DTYMK: variants seen among roughly 807,000 people sequenced by gnomAD.
DTYMK encodes deoxythymidylate kinase, also known as thymidylate kinase.
A neutral mutation model predicts 20.3 loss-of-function variants in DTYMK; 20 were observed. The ratio of observed to expected loss-of-function variants is 0.99; its 90% CI spans 0.69 to 1.43. The LOEUF (loss-of-function observed/expected upper bound fraction) is 1.43, where lower values mean the gene tolerates loss of function less well. Among genes scored for constraint, DTYMK ranks in the 40% most tolerant of loss-of-function variants. DTYMK has a pLI of 0.00. For missense variants in DTYMK, 320 were observed against 291.1 expected (o/e 1.10, Z -0.72); for synonymous variants, 148 against 124.4 (o/e 1.19, Z -1.27).
At chr2:241,676,429 T>C (rs1484344720) in intron 4 of DTYMK, among the ~76,000 whole-genome samples, 192 bp from the exon 5 acceptor site, 1 of 152,096 alleles carries the variant, frequency 6.6e-6, no homozygotes, top group Non-Finnish European at 1.5e-5. Context: ...ACCACTCTAC[T>C]CCAGCCTGGG....
rs1219757775 is a variant in DTYMK, at chr2:241,686,647, C to T, written c.130+7G>A. On this transcript the variant is annotated splice_region_variant and intron_variant, in intron 1 of 4. Transcript: ENST00000305784. Reference sequence around the variant, plus strand: ...GCCGCGGCGCACCCCCCGCCGCGCGCACCCACCCGGGAACCGGAGCAGTTC... The same window carrying T: ...GCCGCGGCGCACCCCCCGCCGCGCGTACCCACCCGGGAACCGGAGCAGTTC... The T allele has an allele frequency of 6.6e-7, 1 of 1,507,118 alleles. No homozygotes were observed. The highest frequency in any genetic ancestry group is 8.8e-7 in the Non-Finnish European group (1 of 1,140,414). 93.4% of individuals were successfully genotyped at this position (1,507,118 alleles called of 1,614,324 possible). A position where few individuals can be genotyped will look rare whatever the true frequency, so the allele number is the denominator to read the frequency against.
chr2:241,686,306 CT>C (rs1430889024), intron 1 of DTYMK, among the ~76,000 whole-genome samples: 1 of 152,234 alleles, frequency 6.6e-6, no homozygotes, highest in Non-Finnish European at 1.5e-5. Context: ...CTGGAGGAGA[CT>C]TTTGGGGGAG....
intron 4 of DTYMK, 76 bp downstream of exon 4, chr2:241,678,376 C>G (rs934126007): frequency 6.3e-7 from 1 of 1,588,108 alleles, no homozygotes; most frequent in Non-Finnish European, 8.6e-7. Context: ...TTTGCTGACA[C>G]AACTGTGCCA....
Position 241,677,461 on chromosome 2 carries a change from G to A in DTYMK, c.528+991C>T, listed in dbSNP as rs561305621. On this transcript the variant is annotated intron_variant, in intron 4 of 4. Coordinates refer to ENST00000305784, the MANE Select transcript of DTYMK (RefSeq NM_012145.4). ...GCATCATCTGCAGGCACAGCCAGTCGGGCTGGGGCGAGACCCTCGGCCCTG... is the reference window on the plus strand; with the variant it reads ...GCATCATCTGCAGGCACAGCCAGTCAGGCTGGGGCGAGACCCTCGGCCCTG... 2.6e-5 allele frequency among the ~76,000 whole-genome samples: 4 copies of A among 152,390 alleles called. No homozygotes were observed. In the South Asian group the frequency reaches 6.2e-4, roughly 24 times the overall value.
At chr2:241,685,963 G>A in intron 1 of DTYMK, 86 bp from the exon 2 acceptor site, 1 of 1,349,734 alleles carries the variant, frequency 7.4e-7, no homozygotes, top group South Asian at 1.2e-5. Context: ...AATTTCTCCC[G>A]GACTCAAGTC....
chr2:241,683,884 C>T (rs2069319235), intron 2 of DTYMK, among the ~76,000 whole-genome samples: 1 of 152,058 alleles, frequency 6.6e-6, no homozygotes, highest in Non-Finnish European at 1.5e-5. Context: ...ATGGTGAAAC[C>T]CTGTCTCTAC....
intron 2 of DTYMK, among the ~76,000 whole-genome samples, chr2:241,680,756 T>TA (rs1216150708): frequency 6.6e-6 from 1 of 152,176 alleles, no homozygotes; most frequent in Non-Finnish European, 1.5e-5. Context: ...TTTGTAACCT[T>TA]ACTTTTAATC....
At chr2:241,680,456 C>T in intron 2 of DTYMK, 137 bp from the exon 3 acceptor site, 1 of 808,568 alleles carries the variant, frequency 1.2e-6, no homozygotes, top group Non-Finnish European at 2.0e-6. Flanking sequence ...GCGGGCGGAT[C>T]ACAAGGTCAG....
At position 241,686,651 on chromosome 2, in the gene DTYMK, C is replaced by A; in HGVS notation, c.130+3G>T. ...CGGCGCACCCCCCGCCGCGCGCACC[C>A]ACCCGGGAACCGGAGCAGTTCGGCG... On this transcript the variant is annotated splice_donor_region_variant and intron_variant, in intron 1 of 4. Transcript: ENST00000305784. The A allele has an allele frequency of 6.6e-7, 1 of 1,510,062 alleles. No homozygotes were observed. Among genetic ancestry groups the A allele is most frequent in the South Asian group, 1.2e-5 (1 of 81,254 alleles). The allele number at this position is 1,510,062 out of a possible 1,614,324, so 93.5% of individuals were successfully genotyped here. A position where few individuals can be genotyped will look rare whatever the true frequency, so the allele number is the denominator to read the frequency against.
At chr2:241,686,071 A>G in intron 1 of DTYMK, among the ~76,000 whole-genome samples, 194 bp from the exon 2 acceptor site, 1 of 152,246 alleles carries the variant, frequency 6.6e-6, no homozygotes, top group East Asian at 1.9e-4. Context: ...TCTGCAAACA[A>G]GCTGGGATGA....
chr2:241,679,021 C>T (rs2069181708), intron 3 of DTYMK, among the ~76,000 whole-genome samples: 1 of 152,200 alleles, frequency 6.6e-6, no homozygotes, highest in Non-Finnish European at 1.5e-5. Flanking sequence ...CACAGAGCAG[C>T]TGGGTCCGGA....
intron 4 of DTYMK, among the ~76,000 whole-genome samples, chr2:241,677,619 A>C (rs2069146798): frequency 6.6e-6 from 1 of 152,192 alleles, no homozygotes; most frequent in African/African-American, 2.4e-5. Flanking sequence ...GGCACGGGCG[A>C]CTGGAGTCTG....
chr2:241,680,504 G>A (rs2069232885), intron 2 of DTYMK, among the ~76,000 whole-genome samples, 185 bp from the exon 3 acceptor site: 1 of 152,044 alleles, frequency 6.6e-6, no homozygotes, highest in African/African-American at 2.4e-5. Flanking sequence ...GTGAAACCCT[G>A]TCTCTACTAA....
At chr2:241,682,469 A>G (rs1254752158) in intron 2 of DTYMK, 1 of 280,948 alleles carries the variant, frequency 3.6e-6, no homozygotes, top group African/African-American at 2.3e-5. Context: ...AAACTCAAAA[A>G]TAAGAAATCA....
chr2:241,684,857 C>A, intron 2 of DTYMK: 1 of 411,028 alleles, frequency 2.4e-6, no homozygotes. Flanking sequence ...TAACACAGCA[C>A]ATAAATAATG....
At chr2:241,677,585 A>C (rs2069146038) in intron 4 of DTYMK, among the ~76,000 whole-genome samples, 1 of 152,234 alleles carries the variant, frequency 6.6e-6, no homozygotes, top group Non-Finnish European at 1.5e-5. Context: ...TGCCGCCTGG[A>C]AAGAGGCCAC....
At position 241,686,716 on chromosome 2, in the gene DTYMK, C is replaced by T. The variant is rs2069424164; in HGVS notation, c.68G>A (p.Ser23Asn). Residue 23 changes from serine (S) to asparagine (N), a missense_variant, in exon 1 of 5, where the codon AGC becomes AAC. Transcript: ENST00000305784. Reference protein sequence around the residue: ...GVDRAGKSTQSRKLVEALCAA... With the variant: ...GVDRAGKSTQNRKLVEALCAA... Reference sequence around the variant, plus strand: ...GCACAGCGCTTCCACCAGCTTGCGGCTCTGCGTGCTCTTCCCGGCGCGGTC... The same window carrying T: ...GCACAGCGCTTCCACCAGCTTGCGGTTCTGCGTGCTCTTCCCGGCGCGGTC... 3 of 1,543,548 alleles carry T rather than the reference C, an allele frequency of 1.9e-6. No homozygotes were observed. The highest frequency in any genetic ancestry group is 2.6e-6 in the Non-Finnish European group (3 of 1,157,712).
intron 4 of DTYMK, among the ~76,000 whole-genome samples, chr2:241,677,990 C>T (rs961981456): frequency 7.2e-5 from 11 of 152,176 alleles, no homozygotes; most frequent in African/African-American, 2.7e-4. Context: ...AATTTGCTGG[C>T]ACTGGCCGGG....
chr2:241,680,712 G>C (rs1309497176), intron 2 of DTYMK, among the ~76,000 whole-genome samples: 1 of 152,096 alleles, frequency 6.6e-6, no homozygotes, highest in Non-Finnish European at 1.5e-5. Context: ...ATACAACTCA[G>C]AAATCTCATA....
Sources: allele counts gnomAD v4.1 joint callset (sites outside exome capture counted in the v4.1 genomes callset), GRCh38; gene constraint gnomAD v4.1.1; transcripts MANE v1.5; gene names NCBI Gene and HGNC (gene_info 2026-07-23, HGNC 2026-07-21).